Variants in TLN2 observed in about 807,000 individuals in gnomAD.
TLN2 encodes the protein talin 2, also known as talin-2.
Under a neutral mutation model 294.7 loss-of-function variants are expected in TLN2, and 118 were observed. The observed-to-expected ratio is 0.40, with a 90% CI of 0.34 to 0.47. The LOEUF (loss-of-function observed/expected upper bound fraction) is 0.47, where lower values mean the gene tolerates loss of function less well. TLN2 is among the 20% of genes least tolerant of loss of function. TLN2 has a pLI of 0.84. For missense variants in TLN2, 3,083 were observed against 3,282.2 expected, an observed-to-expected ratio of 0.94 and a Z score of 1.48; for synonymous variants, 1,431 against 1,304.5, an observed-to-expected ratio of 1.10 and a Z score of -2.09.
intron 1 of TLN2, among the ~76,000 whole-genome samples, chr15:62,393,773 C>G (rs528912576): frequency 6.6e-6 from 1 of 151,766 alleles, no homozygotes; most frequent in Admixed American, 6.6e-5. Flanking sequence ...AGTTTACTAC[C>G]TTAATATTTA....
At chr15:62,827,056 A>G (rs955836507) in intron 54 of TLN2, among the ~76,000 whole-genome samples, 1 of 105,696 alleles carries the variant, frequency 9.5e-6, no homozygotes. Flanking sequence ...TTAGCTCTCA[A>G]CAAAGCATTC....
intron 45 of TLN2, among the ~76,000 whole-genome samples, chr15:62,789,506 T>TTA (rs1039925724): frequency 2.6e-5 from 4 of 152,178 alleles, no homozygotes; most frequent in African/African-American, 9.7e-5. Flanking sequence ...GGGTATGTTT[T>TTA]TAGAGCGTAG....
chr15:62,625,780 C>T (rs1388456447), intron 3 of TLN2, among the ~76,000 whole-genome samples: 1 of 152,168 alleles, frequency 6.6e-6, no homozygotes, highest in Non-Finnish European at 1.5e-5. Context: ...GTGTTGCCAG[C>T]CTGGCTTTCA....
At chr15:62,694,277 T>A in intron 13 of TLN2, 39 bp from the exon 14 acceptor site, 1 of 1,607,766 alleles carries the variant, frequency 6.2e-7, no homozygotes, top group Non-Finnish European at 8.5e-7. Context: ...GCGCGTGGCC[T>A]GGTTTTCATT....
At chr15:62,686,049 C>T (rs553398488) in intron 11 of TLN2, among the ~76,000 whole-genome samples, 1 of 152,086 alleles carries the variant, frequency 6.6e-6, no homozygotes, top group African/African-American at 2.4e-5. Context: ...GCTAGGGTTC[C>T]ATTATTTTAA....
chr15:62,688,069 CTG>C (rs1389141492), intron 12 of TLN2: 3 of 152,132 alleles, frequency 2.0e-5, no homozygotes, highest in Admixed American at 6.5e-5. Context: ...CAGGGAACAA[CTG>C]TGTTTTGTTT....
intron 1 of TLN2, among the ~76,000 whole-genome samples, chr15:62,486,075 T>G (rs1436801134): frequency 6.6e-6 from 1 of 152,180 alleles, no homozygotes; most frequent in African/African-American, 2.4e-5. Context: ...TTATAAACAT[T>G]TTGCCATACT....
In TLN2 at chr15:62,647,304, T is replaced by C. The variant is rs1218810788; in HGVS notation, c.-7T>C. ...TCTAAGTGAGACTGTCCACATCATC[T>C]AGGAAAATGGTGGCCCTGTCCTTAA... On this transcript the variant is annotated 5_prime_UTR_variant, in exon 4 of 59. Coordinates refer to ENST00000636159, the MANE Select transcript of TLN2 (RefSeq NM_015059.3). The C allele has an allele frequency of 4.3e-6, 7 of 1,613,812 alleles. No homozygotes were observed. Among genetic ancestry groups the C allele is most frequent in the Non-Finnish European group, 5.1e-6 (6 of 1,179,904 alleles).
At chr15:62,737,472 G>C (rs1007453427) in intron 29 of TLN2, among the ~76,000 whole-genome samples, 1 of 152,162 alleles carries the variant, frequency 6.6e-6, no homozygotes, top group African/African-American at 2.4e-5. Flanking sequence ...CAACCCTGGC[G>C]CTCTATTACT....
chr15:62,811,361 C>G (rs1021140650), intron 52 of TLN2, among the ~76,000 whole-genome samples: 1 of 152,214 alleles, frequency 6.6e-6, no homozygotes, highest in Non-Finnish European at 1.5e-5. Flanking sequence ...GCAAGAGCCT[C>G]TAGCTAGACA....
At position 62,839,761 on chromosome 15, in the gene TLN2, C is replaced by G. The variant is rs74020687; in HGVS notation, c.7501-721C>G. On this transcript the variant is annotated intron_variant, in intron 58 of 58. Transcript: ENST00000636159. The stretch of plus-strand genomic sequence containing the variant: ...TGGCTATGCACTGCATGTATTTTTA[C>G]CAGAATGTGTTTCTCCATGCGCTAA... Among the ~76,000 whole-genome samples the G allele has an allele frequency of 1.4e-3, 211 of 152,316 alleles. 1 individual carries two copies. Among genetic ancestry groups the G allele is most frequent in the African/African-American group, 4.7e-3 (194 of 41,570 alleles).
At chr15:62,737,242 A>G (rs2061072631) in intron 29 of TLN2, among the ~76,000 whole-genome samples, 156 bp downstream of exon 29, 1 of 152,246 alleles carries the variant, frequency 6.6e-6, no homozygotes, top group Non-Finnish European at 1.5e-5. Flanking sequence ...GCCATACATG[A>G]TACTCACTTT....
intron 1 of TLN2, among the ~76,000 whole-genome samples, chr15:62,420,403 AT>A (rs888171298): frequency 2.9e-4 from 41 of 140,360 alleles, no homozygotes; most frequent in Admixed American, 2.8e-4. Context: ...TACCTGCTGT[AT>A]TTTTTTTTTT....
intron 54 of TLN2, among the ~76,000 whole-genome samples, chr15:62,825,279 A>T (rs2067952953): frequency 6.6e-6 from 1 of 152,222 alleles, no homozygotes; most frequent in African/African-American, 2.4e-5. Flanking sequence ...GCAAATGGCC[A>T]TGGAAAAGAG....
chr15:62,740,900 G>C (rs928361668), intron 32 of TLN2, 131 bp downstream of exon 32: 3 of 1,164,262 alleles, frequency 2.6e-6, no homozygotes, highest in East Asian at 2.5e-5. Context: ...GGGAGGTGGA[G>C]CTGAGAGTGA....
At chr15:62,801,036 C>T (rs1567636614) in intron 50 of TLN2, among the ~76,000 whole-genome samples, 1 of 152,104 alleles carries the variant, frequency 6.6e-6, no homozygotes, top group African/African-American at 2.4e-5. Flanking sequence ...AATTATAGCA[C>T]GAGATCAAAG....
intron 12 of TLN2, among the ~76,000 whole-genome samples, chr15:62,692,539 G>A (rs2058009339): frequency 6.6e-6 from 1 of 152,108 alleles, no homozygotes; most frequent in Non-Finnish European, 1.5e-5. Flanking sequence ...AGGTTCCAAT[G>A]TTCAGGCCTC....
chr15:62,399,946 G>A (rs2140234849), intron 1 of TLN2, among the ~76,000 whole-genome samples: 1 of 152,280 alleles, frequency 6.6e-6, no homozygotes, highest in South Asian at 2.1e-4. Context: ...TGAAATGTGA[G>A]GACATGAGAT....
chr15:62,755,500 G>A (rs183178014), intron 36 of TLN2, 32 bp from the exon 37 acceptor site: 345 of 1,610,370 alleles, frequency 2.1e-4, no homozygotes, highest in Middle Eastern at 1.5e-3. Flanking sequence ...CTGTAGCATG[G>A]GGTACCCCCA....
Sources: allele counts gnomAD v4.1 joint callset (sites outside exome capture counted in the v4.1 genomes callset), GRCh38; gene constraint gnomAD v4.1.1; transcripts MANE v1.5; gene names NCBI Gene and HGNC (gene_info 2026-07-23, HGNC 2026-07-21).